Variants in EEIG2 observed in about 807,000 individuals in gnomAD.
EEIG2 encodes the protein EEIG family member 2.
chr1:108,588,574 G>T, the EEIG2 span, among the ~76,000 whole-genome samples: 50 of 152,158 alleles, frequency 3.3e-4, no homozygotes, highest in African/African-American at 1.1e-3. Flanking sequence ...CATAATTTAT[G>T]AATACAATGT....
the EEIG2 span, chr1:108,629,661 A>G: frequency 6.2e-7 from 1 of 1,603,998 alleles, no homozygotes; most frequent in Non-Finnish European, 8.5e-7. Context: ...CAAATAGGTA[A>G]GTAGTACAAA....
chr1:108,618,590 G>A, the EEIG2 span, among the ~76,000 whole-genome samples: 1 of 152,020 alleles, frequency 6.6e-6, no homozygotes, highest in South Asian at 2.1e-4. Flanking sequence ...TTTAATAGCT[G>A]TAACTTAGAA....
chr1:108,592,458 A>G, the EEIG2 span, among the ~76,000 whole-genome samples: 3 of 152,206 alleles, frequency 2.0e-5, no homozygotes, highest in African/African-American at 4.8e-5. Context: ...GTTCATCCCA[A>G]CCTGATCTCT....
the EEIG2 span, among the ~76,000 whole-genome samples, chr1:108,575,613 T>C: frequency 6.6e-6 from 1 of 152,204 alleles, no homozygotes; most frequent in Non-Finnish European, 1.5e-5. Context: ...ATCCATAGCA[T>C]GGAATATTAC....
chr1:108,564,223 G>A, the EEIG2 span, among the ~76,000 whole-genome samples: 1 of 151,924 alleles, frequency 6.6e-6, no homozygotes. Flanking sequence ...GTATCACCTG[G>A]CTGACAGGCT....
chr1:108,607,659 GTAAATAAA>G, the EEIG2 span, among the ~76,000 whole-genome samples: 1 of 152,132 alleles, frequency 6.6e-6, no homozygotes, highest in Admixed American at 6.6e-5. Context: ...CCCTGTCTCA[GTAAATAAA>G]TAAATAAAAT....
the EEIG2 span, among the ~76,000 whole-genome samples, chr1:108,597,138 T>C: frequency 1.3e-5 from 2 of 152,226 alleles, no homozygotes; most frequent in Non-Finnish European, 1.5e-5. Context: ...GCTCTGTGTA[T>C]GTGGCAGGTG....
chr1:108,591,558 A>T, the EEIG2 span, among the ~76,000 whole-genome samples: 1 of 152,354 alleles, frequency 6.6e-6, no homozygotes, highest in East Asian at 1.9e-4. Flanking sequence ...CAATCATAGG[A>T]GACTCTGCCA....
the EEIG2 span, among the ~76,000 whole-genome samples, chr1:108,564,108 GTTTC>G: frequency 3.3e-5 from 5 of 152,188 alleles, no homozygotes; most frequent in East Asian, 9.6e-4. Flanking sequence ...GTTGTAAAGA[GTTTC>G]TTTCTACTCT....
At chr1:108,585,063 CA>C in the EEIG2 span, among the ~76,000 whole-genome samples, 13 of 152,192 alleles carry the variant, frequency 8.5e-5, no homozygotes, top group South Asian at 2.7e-3. Flanking sequence ...ACTAGGAATA[CA>C]GATAATATGC....
At chr1:108,581,064 A>G in the EEIG2 span, among the ~76,000 whole-genome samples, 1 of 152,190 alleles carries the variant, frequency 6.6e-6, no homozygotes, top group South Asian at 2.1e-4. Context: ...GTGGTCACTT[A>G]TCAATGTGAA....
the EEIG2 span, among the ~76,000 whole-genome samples, chr1:108,622,108 G>C: frequency 1.3e-5 from 2 of 152,190 alleles, no homozygotes; most frequent in Admixed American, 6.5e-5. Flanking sequence ...AGTGAGCCGA[G>C]AGTGCGCCAT....
At chr1:108,629,734 G>A in the EEIG2 span, 2 of 1,111,398 alleles carry the variant, frequency 1.8e-6, no homozygotes, top group South Asian at 2.6e-5. Flanking sequence ...GATGATGGTT[G>A]CAAAGTTTGT....
At chr1:108,565,618 C>CT in the EEIG2 span, among the ~76,000 whole-genome samples, 30 of 151,292 alleles carry the variant, frequency 2.0e-4, no homozygotes, top group South Asian at 4.2e-4. Context: ...TTTTGTTCAT[C>CT]TTTTTTTTTG....
At chr1:108,597,222 T>C in the EEIG2 span, among the ~76,000 whole-genome samples, 1 of 152,234 alleles carries the variant, frequency 6.6e-6, no homozygotes, top group East Asian at 1.9e-4. Context: ...ATCTGTCTCA[T>C]GAAATCTTTT....
At chr1:108,624,799 G>A in the EEIG2 span, 1 of 1,468,294 alleles carries the variant, frequency 6.8e-7, no homozygotes, top group East Asian at 2.3e-5. Context: ...ACGACTTGAT[G>A]CCCTAAAAAT....
the EEIG2 span, among the ~76,000 whole-genome samples, chr1:108,604,210 C>T: frequency 6.6e-6 from 1 of 152,112 alleles, no homozygotes; most frequent in South Asian, 2.1e-4. Context: ...GGATTGGACG[C>T]AGTAGATCAG....
the EEIG2 span, among the ~76,000 whole-genome samples, chr1:108,586,034 A>G: frequency 2.0e-5 from 3 of 152,146 alleles, no homozygotes; most frequent in Admixed American, 2.0e-4. Context: ...TGAAAATACC[A>G]ACGGAGGAAT....
the EEIG2 span, among the ~76,000 whole-genome samples, chr1:108,579,768 T>A: frequency 0.13 from 1,886 of 14,158 alleles, 12 homozygotes; most frequent in Non-Finnish European, 0.23. Context: ...TGTGTGTGTG[T>A]GTGTGAGAGA....
Sources: gnomAD v4.1 joint callset for allele counts (sites outside exome capture counted in the v4.1 genomes callset) on GRCh38, gnomAD v4.1.1 for gene constraint, MANE v1.5 for transcripts, NCBI Gene and HGNC (gene_info 2026-07-23, HGNC 2026-07-21) for gene names.